Variants in KIAA1614 observed in about 807,000 individuals in gnomAD.
KIAA1614 encodes KIAA1614.
In KIAA1614, 76 loss-of-function variants were observed where a neutral mutation model predicts 88.7. The observed-to-expected ratio is 0.86, with a 90% CI of 0.71 to 1.04. The LOEUF is 1.04. Among genes scored for constraint, KIAA1614 ranks in the 50% least tolerant of loss-of-function variants. The pLI, the probability that KIAA1614 is intolerant of heterozygous loss-of-function variation, is 0.00. For missense variants in KIAA1614, 1,553 were observed against 1,582.5 expected (o/e 0.98, Z 0.32); for synonymous variants, 714 against 675.5 (o/e 1.06, Z -0.88).
rs1654003559 is a variant in KIAA1614 at position 180,923,703 on chromosome 1, TAA to T, written c.1062-4725_1062-4724del. Among the ~76,000 whole-genome samples, 5 of 152,084 alleles carry T rather than the reference TAA, an allele frequency of 3.3e-5. No individual in the cohort carries two copies. In the South Asian group the frequency reaches 1.0e-3, roughly 32 times the overall value. ...AGAAATGTCTGGCAGAGGCACGTCGTAAAGAGTGTGAGTAAGGGCTCAGCAAG... is the reference window on the plus strand; with the variant it reads ...AGAAATGTCTGGCAGAGGCACGTCGTAGAGTGTGAGTAAGGGCTCAGCAAG... On this transcript the variant is annotated intron_variant, in intron 3 of 8. Coordinates refer to ENST00000367588, the MANE Select transcript of KIAA1614 (RefSeq NM_020950.2).
chr1:180,939,576 C>T (rs1654410158), intron 6 of KIAA1614, among the ~76,000 whole-genome samples: 1 of 152,202 alleles, frequency 6.6e-6, no homozygotes, highest in African/African-American at 2.4e-5. Context: ...CTGGCCTGAA[C>T]TCATGGCTTC....
rs115954020 is a variant in KIAA1614, at chr1:180,918,857, A to G, written c.1061+943A>G. Among the ~76,000 whole-genome samples the G allele has an allele frequency of 8.6e-3, 1,315 of 152,296 alleles. 16 individuals are homozygous for G. The highest frequency in any genetic ancestry group is 0.03 in the African/African-American group (1,230 of 41,558). ...AAAGCCTATAGAGGCTGGGTGGCTT[A>G]CTAACAGAAATTTATTGCTCACAGT... On this transcript the variant is annotated intron_variant, in intron 3 of 8. Coordinates refer to ENST00000367588, the MANE Select transcript of KIAA1614 (RefSeq NM_020950.2).
At chr1:180,932,086 T>C (rs186250884) in intron 4 of KIAA1614, among the ~76,000 whole-genome samples, 22 of 152,204 alleles carry the variant, frequency 1.4e-4, no homozygotes, top group Admixed American at 2.6e-4. Flanking sequence ...CTGACCTAGA[T>C]ACAAGTACAG....
intron 4 of KIAA1614, among the ~76,000 whole-genome samples, chr1:180,934,881 A>G (rs1316050437): frequency 6.6e-6 from 1 of 152,170 alleles, no homozygotes; most frequent in African/African-American, 2.4e-5. Flanking sequence ...AGCCAAAAGC[A>G]CGGAAGGTGG....
At chr1:180,941,843 A>G (rs772501365) in intron 7 of KIAA1614, among the ~76,000 whole-genome samples, 2 of 151,938 alleles carry the variant, frequency 1.3e-5, no homozygotes, top group Non-Finnish European at 2.9e-5. Flanking sequence ...GTCTGCTTTC[A>G]TCCCTCCTCA....
In KIAA1614 at chr1:180,935,560, G is replaced by C. The variant is rs1488126834; in HGVS notation, c.1651G>C (p.Gly551Arg). 6.2e-7 allele frequency: 1 copy of C among 1,601,074 alleles called. No individual in the cohort carries two copies. The highest frequency in any genetic ancestry group is 1.7e-5 in the Admixed American group (1 of 59,160). Reference sequence around the variant, plus strand: ...CATCGACGACCCGCGCCCCGCCCAGGGGAAGGCGCCCCCCGTCCCCAGGAC... The same window carrying C: ...CATCGACGACCCGCGCCCCGCCCAGCGGAAGGCGCCCCCCGTCCCCAGGAC... Reference protein sequence around the residue: ...SCIDDPRPAQGKAPPVPRTLQ... With the variant: ...SCIDDPRPAQRKAPPVPRTLQ... Residue 551 changes from glycine to arginine, a missense_variant, in exon 5 of 9, where the codon GGG becomes CGG. Gly to Arg is a moderately radical substitution (Grantham distance 125, BLOSUM62 -2). Coordinates refer to ENST00000367588, the MANE Select transcript of KIAA1614 (RefSeq NM_020950.2). This position sits in a 1 kb window ranked among gnomAD's most constrained non-coding sequence, Gnocchi z 6.1.
intron 4 of KIAA1614, among the ~76,000 whole-genome samples, chr1:180,932,262 G>A (rs60757611): frequency 0.18 from 27,785 of 152,000 alleles, 3,122 homozygotes; most frequent in Middle Eastern, 0.28. Flanking sequence ...GCAGCGGGGT[G>A]TCCTGCTCAG....
Position 180,935,204 on chromosome 1 carries a change from G to T in KIAA1614, c.1295G>T (p.Ser432Ile). Residue 432 changes from serine to isoleucine, a missense_variant, in exon 5 of 9, where the codon AGC becomes ATC. By Grantham distance (142) the Ser-to-Ile change is moderately radical. Coordinates refer to ENST00000367588, the MANE Select transcript of KIAA1614 (RefSeq NM_020950.2). The surrounding 1 kb of genome is among the most constrained non-coding windows in gnomAD (Gnocchi z 6.1). ...LQNGHTSDSS[S>I]GESSGGHRPR... ...AACGGGCACACGAGCGATTCCTCCA[G>T]CGGAGAGTCCAGCGGTGGGCACAGG... The T allele has an allele frequency of 6.6e-7, 1 of 1,510,106 alleles. No individual in the cohort carries two copies. Among genetic ancestry groups the T allele is most frequent in the Non-Finnish European group, 8.8e-7 (1 of 1,130,598 alleles). 93.5% of individuals were successfully genotyped at this position (1,510,106 alleles called of 1,614,324 possible). A position where few individuals can be genotyped will look rare whatever the true frequency, so the allele number is the denominator to read the frequency against.
rs1044831389 is a variant in KIAA1614 at position 180,914,721 on chromosome 1, T to C, written c.50+1428T>C. On this transcript the variant is annotated intron_variant, in intron 1 of 8. Transcript: ENST00000367588. ...CCTGCCACCACACCCAGCTAATTTT[T>C]TGTATTTTTTATTTTTATTTATTTT... Among the ~76,000 whole-genome samples the C allele has an allele frequency of 1.8e-4, 28 of 151,528 alleles. 2 individuals are homozygous for C. The highest frequency in any genetic ancestry group is 1.8e-3 in the Admixed American group (28 of 15,236).
Position 180,938,725 on chromosome 1 carries a change from G to T in KIAA1614, c.2918+14G>T. ...TGTGCTGTCAAGGTGAGTGACAGGA[G>T]AAAGAGCCAGATTGCAGAAGGAGGT... On this transcript the variant is annotated intron_variant, in intron 6 of 8. Coordinates refer to ENST00000367588, the MANE Select transcript of KIAA1614 (RefSeq NM_020950.2). The T allele has an allele frequency of 6.2e-7, 1 of 1,612,228 alleles. No individual in the cohort carries two copies.
At chr1:180,932,838 C>G (rs1654230589) in intron 4 of KIAA1614, among the ~76,000 whole-genome samples, 1 of 152,138 alleles carries the variant, frequency 6.6e-6, no homozygotes, top group African/African-American at 2.4e-5. Context: ...CTCCTGGGTT[C>G]AAGCAATTCT....
Position 180,934,264 on chromosome 1 carries a change from AAAAAAAG to A in KIAA1614, c.1206-846_1206-840del, listed in dbSNP as rs1161398082. On this transcript the variant is annotated intron_variant, in intron 4 of 8. Coordinates refer to ENST00000367588, the MANE Select transcript of KIAA1614 (RefSeq NM_020950.2). ...TAAAACTCCGTCTCAAAAAAAAAAA[AAAAAAAG>A]AAAAGAAAAGAAAAGAAAAAGAAAC... 4.0e-3 allele frequency among the ~76,000 whole-genome samples: 595 copies of A among 147,424 alleles called. 3 individuals are homozygous for A. Among genetic ancestry groups the A allele is most frequent in the African/African-American group, 0.014 (547 of 39,532 alleles).
In KIAA1614 at chr1:180,916,358, C is replaced by T; in HGVS notation, c.255C>T (p.Ser85=). ...TCCAGGGCCCCTCTGTGCTGGAATC[C>T]AAGGTGAGGGCTTTGAAGGAGAAGA... The part of the protein sequence containing the change: ...VQLQGPSVLE[S]KVRALKEKMT... The change falls in exon 2 of 9, where the codon TCC becomes TCT. Residue 85 remains serine, a synonymous_variant. Transcript: ENST00000367588. 1 of 1,614,176 alleles carries T rather than the reference C, an allele frequency of 6.2e-7. No individual in the cohort carries two copies.
Position 180,917,753 on chromosome 1 carries a change from G to A in KIAA1614, c.998-98G>A, listed in dbSNP as rs1653851893. 7.2e-6 allele frequency: 7 copies of A among 974,026 alleles called. No homozygotes were observed. In the South Asian group the frequency reaches 9.2e-5, roughly 13 times the overall value. 60.3% of individuals were successfully genotyped at this position (974,026 alleles called of 1,614,324 possible). A position where few individuals can be genotyped will look rare whatever the true frequency, so the allele number is the denominator to read the frequency against. ...GTTAGATTTATCTGGGGAGTAAGTT[G>A]CTTCTGGAGAAACTCTTCTCCTCAG... On this transcript the variant is annotated intron_variant, in intron 2 of 8. Transcript: ENST00000367588.
Position 180,944,383 on chromosome 1 carries a change from C to A in KIAA1614, c.3160-6C>A. 2 of 1,612,920 alleles carry A rather than the reference C, an allele frequency of 1.2e-6. No individual in the cohort carries two copies. The highest frequency in any genetic ancestry group is 2.2e-5 in the South Asian group (2 of 90,964). ...CTCACCCGCAATATTGTCCCTTTCT[C>A]ATCAGGTGTCACCCTCTCACCAGCG... is the stretch of plus-strand genomic sequence containing the variant. On this transcript the variant is annotated splice_polypyrimidine_tract_variant and splice_region_variant and intron_variant, in intron 7 of 8. Transcript: ENST00000367588.
chr1:180,930,286 G>A (rs1654169347), intron 4 of KIAA1614, among the ~76,000 whole-genome samples: 1 of 152,134 alleles, frequency 6.6e-6, no homozygotes, highest in Non-Finnish European at 1.5e-5. Flanking sequence ...GGGCGTGGTG[G>A]CGGGCACCTG....
At chr1:180,938,825 C>T (rs894550390) in intron 6 of KIAA1614, 114 bp downstream of exon 6, 72 of 934,292 alleles carry the variant, frequency 7.7e-5, no homozygotes, top group South Asian at 3.7e-4. Flanking sequence ...CCCTAGTCTT[C>T]AGAGGATCCC....
chr1:180,928,116 A>G, intron 3 of KIAA1614: 1 of 245,578 alleles, frequency 4.1e-6, no homozygotes, highest in Non-Finnish European at 7.8e-6. Flanking sequence ...AAGGAACAAT[A>G]GAATAATCTG....
At chr1:180,931,684 G>A (rs1363215809) in intron 4 of KIAA1614, among the ~76,000 whole-genome samples, 1 of 152,254 alleles carries the variant, frequency 6.6e-6, no homozygotes, top group Non-Finnish European at 1.5e-5. Context: ...GTCTGCCTCT[G>A]CAGTGAATTC....
Sources: allele counts gnomAD v4.1 joint callset (sites outside exome capture counted in the v4.1 genomes callset), GRCh38; gene constraint gnomAD v4.1.1; non-coding constraint Gnocchi (gnomAD v3.1); transcripts MANE v1.5; gene names NCBI Gene and HGNC (gene_info 2026-07-23, HGNC 2026-07-21).